Variants in EDN2 observed in about 807,000 individuals in gnomAD.
The protein encoded by EDN2 is endothelin-2.
In EDN2, 10 loss-of-function variants were observed where a neutral mutation model predicts 19.9. The observed-to-expected ratio is 0.50, with a 90% CI of 0.31 to 0.85. The LOEUF (loss-of-function observed/expected upper bound fraction) is 0.85. EDN2 is among the 40% of genes least tolerant of loss of function. EDN2 has a pLI of 0.05. For synonymous variants in EDN2, 84 were observed against 94.9 expected (o/e 0.89, Z 0.67); for missense variants, 222 against 239.3 (o/e 0.93, Z 0.48).
intron 1 of EDN2, 80 bp downstream of exon 1, chr1:41,484,458 G>T: frequency 2.0e-6 from 3 of 1,516,182 alleles, no homozygotes; most frequent in Non-Finnish European, 2.7e-6. Flanking sequence ...GCTGGCTTGG[G>T]AGGCACTGCA....
intron 4 of EDN2, chr1:41,480,753 G>A (rs1644240363): frequency 2.0e-6 from 1 of 502,860 alleles, no homozygotes; most frequent in Middle Eastern, 3.0e-4. Context: ...GGAGCAGGCT[G>A]GGCAGTTGGC....
At position 41,484,140 on chromosome 1, in the gene EDN2, T is replaced by C; in HGVS notation, c.128A>G (p.His43Arg). Residue 43 changes from histidine (H) to arginine (R), a missense_variant, in exon 2 of 5, where the codon CAC (histidine) becomes CGC (arginine). His to Arg is a conservative substitution (Grantham distance 29). Transcript: ENST00000372587. ...GCAGGAGCAACGGCGAAGCCGAAGG[T>C]GGGTGCCTTGGGCATGAGATGAGGA... is the stretch of plus-strand genomic sequence containing the variant. ...PASSSHAQGT[H>R]LRLRRCSCSS... 1 of 1,613,276 alleles carries C rather than the reference T, an allele frequency of 6.2e-7. No homozygotes were observed.
In EDN2 at chr1:41,482,471, C is replaced by T. The variant is rs753329833; in HGVS notation, c.339G>A (p.Arg113=). The T allele has an allele frequency of 2.4e-5, 38 of 1,600,078 alleles. 1 individual carries two copies. Among genetic ancestry groups the T allele is most frequent in the Middle Eastern group, 1.7e-4 (1 of 6,028 alleles). ...CAGGCTGGGTGCCCACCTACCAGGG[C>T]CTTCGAAGGCAGAAGGTGGCACAGG... ...DPACATFCLR[R]PWTEAGAVPS... Residue 113 remains arginine, a synonymous_variant, in exon 3 of 5, where the codon AGG becomes AGA. Coordinates refer to ENST00000372587, the MANE Select transcript of EDN2 (RefSeq NM_001956.5).
At chr1:41,484,355 C>A in intron 1 of EDN2, 152 bp from the exon 2 acceptor site, 1 of 1,308,312 alleles carries the variant, frequency 7.6e-7, no homozygotes. Context: ...CAGGGAAGTC[C>A]CAGCAGCCCG....
intron 4 of EDN2, among the ~76,000 whole-genome samples, 175 bp from the exon 5 acceptor site, chr1:41,479,677 C>T (rs781141359): frequency 3.3e-5 from 5 of 152,220 alleles, no homozygotes; most frequent in Non-Finnish European, 7.3e-5. Context: ...CCAGCGCAGG[C>T]CAGCCCAGGC....
Position 41,479,484 on chromosome 1 carries a change from C to T in EDN2, c.462G>A (p.Lys154=). The T allele has an allele frequency of 1.2e-6, 2 of 1,614,170 alleles. No individual in the cohort carries two copies. Among genetic ancestry groups the T allele is most frequent in the Non-Finnish European group, 1.7e-6 (2 of 1,180,004 alleles). ...CCTGTTGTCGCTTGGCAAAGAGGCT[C>T]TTGACTGTGGAAATGTCCCTGGGAA... ...LQRLRDISTV[K]SLFAKRQQEA... Residue 154 remains lysine, a synonymous_variant, in exon 5 of 5, where the codon AAG becomes AAA. Coordinates refer to ENST00000372587, the MANE Select transcript of EDN2 (RefSeq NM_001956.5).
chr1:41,483,887 C>A (rs1644268881), intron 2 of EDN2, 160 bp downstream of exon 2: 1 of 765,554 alleles, frequency 1.3e-6, no homozygotes, highest in African/African-American at 1.8e-5. Flanking sequence ...GTGGTCCCCA[C>A]TCAGGAATTG....
rs558401204 is a variant in EDN2 at position 41,479,194 on chromosome 1, A to G, written c.*215T>C. On this transcript the variant is annotated 3_prime_UTR_variant, in exon 5 of 5. Transcript: ENST00000372587. ...CACTGGAGGCTGCTCCGCAGTCTGG[A>G]GGCCGAGGGCTTCCCTGGGCAGTGC... 18 of 661,518 alleles carry G rather than the reference A, an allele frequency of 2.7e-5. No homozygotes were observed. The highest frequency in any genetic ancestry group is 2.0e-4 in the South Asian group (13 of 65,700). 41.0% of individuals were successfully genotyped at this position (661,518 alleles called of 1,614,324 possible).
chr1:41,484,237 G>A, intron 1 of EDN2, 34 bp from the exon 2 acceptor site: 4 of 1,601,258 alleles, frequency 2.5e-6, no homozygotes, highest in Non-Finnish European at 1.7e-6. Flanking sequence ...AGGTGGAGAG[G>A]TGGGTTGGGG....
At chr1:41,482,269 C>T (rs188491284) in intron 3 of EDN2, among the ~76,000 whole-genome samples, 197 bp downstream of exon 3, 189 of 152,330 alleles carry the variant, frequency 1.2e-3, no homozygotes, top group African/African-American at 4.0e-3. Context: ...AGCTGGGCAC[C>T]GGGAGGCCCC....
At chr1:41,484,317 C>G (rs1644273555) in intron 1 of EDN2, 114 bp from the exon 2 acceptor site, 8 of 1,404,702 alleles carry the variant, frequency 5.7e-6, no homozygotes, top group Non-Finnish European at 7.7e-6. Flanking sequence ...AGTTGGCACT[C>G]TTGCTGCTCA....
intron 4 of EDN2, among the ~76,000 whole-genome samples, chr1:41,480,494 T>C (rs1644238242): frequency 6.6e-6 from 1 of 152,186 alleles, no homozygotes; most frequent in Admixed American, 6.5e-5. Context: ...GTTCAAATCA[T>C]AGGAACTAGA....
At chr1:41,484,248 T>A (rs775279223) in intron 1 of EDN2, 45 bp from the exon 2 acceptor site, 5 of 1,595,558 alleles carry the variant, frequency 3.1e-6, no homozygotes, top group Non-Finnish European at 4.3e-6. Context: ...TGGGTTGGGG[T>A]GCCTGGCACA....
chr1:41,484,683 C>T lies in EDN2; in HGVS notation c.-82G>A, dbSNP rs879462395. 4.7e-6 allele frequency: 7 copies of T among 1,490,450 alleles called. No individual in the cohort carries two copies. The highest frequency in any genetic ancestry group is 6.4e-6 in the Non-Finnish European group (7 of 1,097,360). The allele number at this position is 1,490,450 out of a possible 1,614,324, so 92.3% of individuals were successfully genotyped here. A position where few individuals can be genotyped will look rare whatever the true frequency, so the allele number is the denominator to read the frequency against. On this transcript the variant is annotated 5_prime_UTR_variant, in exon 1 of 5. Transcript: ENST00000372587. ...CTGCTATTAAGCTGAGCAGATAGCTCATTGCCTCGGTGCCCTGGCTGCCTC... is the reference window on the plus strand; with the variant it reads ...CTGCTATTAAGCTGAGCAGATAGCTTATTGCCTCGGTGCCCTGGCTGCCTC...
chr1:41,480,642 G>A (rs535269352), intron 4 of EDN2: 8 of 454,482 alleles, frequency 1.8e-5, no homozygotes, highest in African/African-American at 8.0e-5. Flanking sequence ...GTCTGTTCTT[G>A]AGTTGGTTTG....
chr1:41,480,750 G>A, intron 4 of EDN2: 1 of 499,118 alleles, frequency 2.0e-6, no homozygotes, highest in South Asian at 1.5e-5. Flanking sequence ...GAGGGAGCAG[G>A]CTGGGCAGTT....
rs559034373 is a variant in EDN2, at chr1:41,482,658, A to G, written c.222-70T>C. 1.7e-3 allele frequency: 2,533 copies of G among 1,484,632 alleles called. 5 individuals carry two copies. The highest frequency in any genetic ancestry group is 2.7e-3 in the South Asian group (196 of 73,384). The allele number at this position is 1,484,632 out of a possible 1,614,324, so 92.0% of individuals were successfully genotyped here. ...AAGAGAGAGAGAGAAAAAAATAAAG[A>G]GAGAGAGGATTAAATAAACCACAAC... On this transcript the variant is annotated intron_variant, in intron 2 of 4. Coordinates refer to ENST00000372587, the MANE Select transcript of EDN2 (RefSeq NM_001956.5).
intron 2 of EDN2, chr1:41,483,780 C>G: frequency 2.5e-6 from 1 of 394,554 alleles, no homozygotes; most frequent in Non-Finnish European, 4.6e-6. Flanking sequence ...CGCTTAAGCT[C>G]TCTGAGCCTC....
Position 41,482,350 on chromosome 1 carries a change from C to T in EDN2, c.344+116G>A, listed in dbSNP as rs1644254894. On this transcript the variant is annotated intron_variant, in intron 3 of 4. Transcript: ENST00000372587. ...AAGCAGCCTGTGGGCCCCTGGGTCG[C>T]TTCTCACCCCCAACTTGCCAGTTCG... 5 of 1,299,432 alleles carry T rather than the reference C, an allele frequency of 3.8e-6. No individual in the cohort carries two copies. In the Admixed American group the frequency reaches 1.5e-4, roughly 39 times the overall value. The allele number at this position is 1,299,432 out of a possible 1,614,324, so 80.5% of individuals were successfully genotyped here.
Sources: gnomAD v4.1 joint callset for allele counts (sites outside exome capture counted in the v4.1 genomes callset) on GRCh38, gnomAD v4.1.1 for gene constraint, MANE v1.5 for transcripts, NCBI Gene and HGNC (gene_info 2026-07-23, HGNC 2026-07-21) for gene names.